The following SLC24A2 variants were observed in gnomAD, a reference collection of about 807,000 sequenced individuals.
SLC24A2 encodes sodium/potassium/calcium exchanger 2.
A neutral mutation model predicts 62.0 loss-of-function variants in SLC24A2; 36 were observed. That is an observed-to-expected ratio of 0.58 (90% CI 0.44 to 0.77). The LOEUF is 0.77. SLC24A2 is among the 30% of genes least tolerant of loss of function. The pLI is 0.00. For missense variants in SLC24A2, 846 were observed against 817.9 expected, an observed-to-expected ratio of 1.03 and a Z score of -0.42; for synonymous variants, 358 against 294.0, an observed-to-expected ratio of 1.22 and a Z score of -2.23.
the SLC24A2 span, among the ~76,000 whole-genome samples, chr9:20,232,766 G>A: frequency 1.3e-5 from 2 of 151,946 alleles, no homozygotes; most frequent in Non-Finnish European, 2.9e-5. Flanking sequence ...GTTATTTCTT[G>A]CCTTCTGCTA....
chr9:19,618,240 C>A, intron 4 of SLC24A2, among the ~76,000 whole-genome samples: 1 of 152,196 alleles, frequency 6.6e-6, no homozygotes, highest in Non-Finnish European at 1.5e-5. Context: ...CCTGCAATCT[C>A]TTTACTCCCT....
At chr9:19,689,357 C>A (rs996126483) in intron 2 of SLC24A2, among the ~76,000 whole-genome samples, 1 of 152,130 alleles carries the variant, frequency 6.6e-6, no homozygotes, top group African/African-American at 2.4e-5. Flanking sequence ...TTAGTTAACT[C>A]AATTTAGTCT....
At chr9:20,179,485 G>A in the SLC24A2 span, among the ~76,000 whole-genome samples, 2 of 152,130 alleles carry the variant, frequency 1.3e-5, no homozygotes, top group Non-Finnish European at 2.9e-5. Flanking sequence ...CATGCCCAAG[G>A]GCCAGATGGG....
chr9:20,276,724 A>G, the SLC24A2 span, among the ~76,000 whole-genome samples: 2 of 152,158 alleles, frequency 1.3e-5, no homozygotes, highest in Non-Finnish European at 2.9e-5. Context: ...ACATCCAGGT[A>G]TTTCCATACA....
the SLC24A2 span, among the ~76,000 whole-genome samples, chr9:19,921,843 C>CTT: frequency 2.6e-5 from 4 of 152,050 alleles, no homozygotes; most frequent in Admixed American, 1.3e-4. Flanking sequence ...AAAAGGATAT[C>CTT]TTATTGATAT....
chr9:20,083,804 A>C, the SLC24A2 span, among the ~76,000 whole-genome samples: 2 of 152,204 alleles, frequency 1.3e-5, no homozygotes, highest in African/African-American at 2.4e-5. Flanking sequence ...ATAAATTGGC[A>C]TATGCTAATG....
the SLC24A2 span, among the ~76,000 whole-genome samples, chr9:19,844,377 T>G: frequency 6.6e-6 from 1 of 152,214 alleles, no homozygotes; most frequent in Non-Finnish European, 1.5e-5. Context: ...GTTTTCTGCT[T>G]ATTGAATTGT....
chr9:19,591,981 G>T (rs1017830305), intron 5 of SLC24A2, among the ~76,000 whole-genome samples: 9 of 152,196 alleles, frequency 5.9e-5, no homozygotes. Flanking sequence ...ACATTATTTA[G>T]TTGATATATC....
the SLC24A2 span, among the ~76,000 whole-genome samples, chr9:19,812,142 G>C: frequency 1.3e-5 from 2 of 151,954 alleles, no homozygotes; most frequent in African/African-American, 4.8e-5. Context: ...CCATTTAATT[G>C]TTGTTATTGT....
the SLC24A2 span, among the ~76,000 whole-genome samples, chr9:20,116,594 G>C: frequency 0.11 from 16,977 of 152,128 alleles, 1,000 homozygotes; most frequent in Middle Eastern, 0.17. Flanking sequence ...CAATGCTTCT[G>C]TCTTTCAATT....
At chr9:19,692,232 T>C (rs1276009839) in intron 2 of SLC24A2, among the ~76,000 whole-genome samples, 2 of 152,184 alleles carry the variant, frequency 1.3e-5, no homozygotes, top group African/African-American at 4.8e-5. Context: ...GAACAAGTCA[T>C]GTATCTTTAA....
chr9:20,040,639 A>G, the SLC24A2 span, among the ~76,000 whole-genome samples: 1 of 152,224 alleles, frequency 6.6e-6, no homozygotes, highest in Non-Finnish European at 1.5e-5. Flanking sequence ...TTGTGGCTAC[A>G]TAGAAATACA....
intron 7 of SLC24A2, among the ~76,000 whole-genome samples, chr9:19,557,381 C>G (rs1835147872): frequency 6.6e-6 from 1 of 152,268 alleles, no homozygotes. Flanking sequence ...GGGTGTTTTA[C>G]AAAGCTTTGG....
At chr9:19,844,433 T>G in the SLC24A2 span, among the ~76,000 whole-genome samples, 5 of 152,170 alleles carry the variant, frequency 3.3e-5, no homozygotes, top group African/African-American at 9.7e-5. Flanking sequence ...GTCAGATGCA[T>G]AGTTTGCAGA....
the SLC24A2 span, among the ~76,000 whole-genome samples, chr9:19,806,670 G>A: frequency 7.2e-5 from 11 of 152,272 alleles, no homozygotes; most frequent in South Asian, 2.3e-3. Flanking sequence ...AAAGGTCAGT[G>A]ATTAGAAGGG....
chr9:20,132,144 C>T, the SLC24A2 span, among the ~76,000 whole-genome samples: 1 of 152,038 alleles, frequency 6.6e-6, no homozygotes, highest in African/African-American at 2.4e-5. Context: ...ACAGTCTGTC[C>T]CTTCTACCTA....
chr9:20,277,530 C>T, the SLC24A2 span, among the ~76,000 whole-genome samples: 3 of 151,910 alleles, frequency 2.0e-5, no homozygotes, highest in East Asian at 1.9e-4. Context: ...ATCAAAACCA[C>T]AATGAGATAC....
chr9:19,913,049 C>G, the SLC24A2 span, among the ~76,000 whole-genome samples: 2 of 152,232 alleles, frequency 1.3e-5, no homozygotes, highest in East Asian at 1.9e-4. Flanking sequence ...AATTACCTCT[C>G]TAATTCATTG....
At chr9:20,250,946 C>G in the SLC24A2 span, among the ~76,000 whole-genome samples, 1 of 152,212 alleles carries the variant, frequency 6.6e-6, no homozygotes, top group East Asian at 1.9e-4. Flanking sequence ...CACTTCTCAC[C>G]TCGATTAATT....
Sources: gnomAD v4.1 joint callset for allele counts (sites outside exome capture counted in the v4.1 genomes callset) on GRCh38, gnomAD v4.1.1 for gene constraint, MANE v1.5 for transcripts, NCBI Gene and HGNC (gene_info 2026-07-23, HGNC 2026-07-21) for gene names.